Variants in NLGN1 observed in about 807,000 individuals in gnomAD.
NLGN1 encodes the protein neuroligin-1.
A neutral mutation model predicts 65.5 loss-of-function variants in NLGN1; 12 were observed. The ratio of observed to expected loss-of-function variants is 0.18; its 90% CI spans 0.12 to 0.30. The LOEUF (loss-of-function observed/expected upper bound fraction) is 0.30, where lower values mean the gene tolerates loss of function less well. Ranked by LOEUF, NLGN1 falls within the 10% of genes least tolerant of loss-of-function variation. The pLI, the probability that NLGN1 is intolerant of heterozygous loss-of-function variation, is 1.00. For synonymous variants in NLGN1, 350 were observed against 359.5 expected (o/e 0.97, Z 0.30); for missense variants, 750 against 1,007.1 (o/e 0.74, Z 3.46).
At chr3:173,812,807 A>G (rs952850321) in intron 4 of NLGN1, among the ~76,000 whole-genome samples, 1 of 147,532 alleles carries the variant, frequency 6.8e-6, no homozygotes, top group Non-Finnish European at 1.5e-5. Context: ...TTATATATAT[A>G]TATATAAAAC....
At chr3:174,117,991 C>T (rs1490164035) in intron 4 of NLGN1, among the ~76,000 whole-genome samples, 2 of 151,338 alleles carry the variant, frequency 1.3e-5, no homozygotes, top group African/African-American at 2.4e-5. Flanking sequence ...ATGTGCTCAC[C>T]AGGAGTTTGT....
intron 2 of NLGN1, among the ~76,000 whole-genome samples, chr3:173,470,650 G>A (rs1464747737): frequency 6.6e-6 from 1 of 152,060 alleles, no homozygotes. Context: ...AGAATTAAAT[G>A]AGAGAACATT....
intron 4 of NLGN1, among the ~76,000 whole-genome samples, chr3:173,984,903 G>A (rs1418167323): frequency 6.6e-6 from 1 of 152,162 alleles, no homozygotes; most frequent in Non-Finnish European, 1.5e-5. Flanking sequence ...CTAGCCAGGT[G>A]TGGTGGCGTG....
At chr3:173,767,468 A>G (rs886817912) in intron 3 of NLGN1, among the ~76,000 whole-genome samples, 1 of 152,064 alleles carries the variant, frequency 6.6e-6, no homozygotes, top group Non-Finnish European at 1.5e-5. Flanking sequence ...TAAGGGGAAT[A>G]GGCATTTTCA....
At chr3:173,789,852 T>C (rs78247105) in intron 3 of NLGN1, 2 of 513,556 alleles carry the variant, frequency 3.9e-6, no homozygotes, top group Non-Finnish European at 7.8e-6. Context: ...TCTATATTTT[T>C]CCCAACTGCC....
intron 4 of NLGN1, among the ~76,000 whole-genome samples, chr3:173,969,017 C>T (rs1715563350): frequency 6.6e-6 from 1 of 151,672 alleles, no homozygotes; most frequent in African/African-American, 2.4e-5. Flanking sequence ...CCATCTTTAA[C>T]ATTACCAGAT....
At chr3:174,073,792 A>G (rs941444718) in intron 4 of NLGN1, among the ~76,000 whole-genome samples, 1 of 152,202 alleles carries the variant, frequency 6.6e-6, no homozygotes, top group Non-Finnish European at 1.5e-5. Context: ...CAATACCCAT[A>G]TCCATCACTT....
chr3:173,806,920 G>A (rs749365349), intron 3 of NLGN1, among the ~76,000 whole-genome samples: 32 of 152,094 alleles, frequency 2.1e-4, no homozygotes, highest in Admixed American at 7.2e-4. Flanking sequence ...GAGCCAAAGC[G>A]TGAAGAAGAA....
chr3:173,545,060 G>GTTTT (rs1224126368), intron 2 of NLGN1, among the ~76,000 whole-genome samples: 15 of 123,158 alleles, frequency 1.2e-4, no homozygotes, highest in African/African-American at 5.0e-4. Flanking sequence ...GTGTGTGGTT[G>GTTTT]TTTTTTTTGT....
chr3:174,003,872 T>C (rs1467634889), intron 4 of NLGN1, among the ~76,000 whole-genome samples: 1 of 152,158 alleles, frequency 6.6e-6, no homozygotes, highest in Non-Finnish European at 1.5e-5. Flanking sequence ...TACTGTAGTC[T>C]ATAATCAAAG....
chr3:173,837,662 T>C (rs1188398153), intron 4 of NLGN1, among the ~76,000 whole-genome samples: 6 of 152,218 alleles, frequency 3.9e-5, no homozygotes, highest in African/African-American at 1.4e-4. Context: ...TGGCCTACAT[T>C]TGTATACATA....
At chr3:174,046,772 G>A (rs1316455930) in intron 4 of NLGN1, among the ~76,000 whole-genome samples, 1 of 152,048 alleles carries the variant, frequency 6.6e-6, no homozygotes, top group Non-Finnish European at 1.5e-5. Context: ...GTATATTTGT[G>A]AAGTATGAAG....
intron 4 of NLGN1, among the ~76,000 whole-genome samples, chr3:174,229,200 A>G (rs1181148846): frequency 6.6e-6 from 1 of 152,116 alleles, no homozygotes; most frequent in Non-Finnish European, 1.5e-5. Flanking sequence ...AAGGACTTAT[A>G]ACAAGATCAA....
intron 4 of NLGN1, among the ~76,000 whole-genome samples, chr3:173,817,769 T>C (rs1472236005): frequency 3.9e-5 from 6 of 152,196 alleles, no homozygotes; most frequent in Non-Finnish European, 8.8e-5. Context: ...TTCTATGGTA[T>C]TAATATGGCT....
intron 4 of NLGN1, among the ~76,000 whole-genome samples, chr3:173,899,251 A>G (rs1185390584): frequency 6.6e-6 from 1 of 152,126 alleles, no homozygotes; most frequent in Non-Finnish European, 1.5e-5. Context: ...TAGATAGCAT[A>G]AATTTGTTGA....
intron 4 of NLGN1, among the ~76,000 whole-genome samples, chr3:174,175,644 C>T (rs1729309344): frequency 6.6e-6 from 1 of 151,908 alleles, no homozygotes; most frequent in South Asian, 2.1e-4. Flanking sequence ...TTGATTCCAT[C>T]TCACACACAC....
intron 2 of NLGN1, among the ~76,000 whole-genome samples, chr3:173,500,535 A>G (rs1730899085): frequency 1.3e-5 from 2 of 152,036 alleles, no homozygotes; most frequent in Admixed American, 6.6e-5. Flanking sequence ...TGTCTGTGCC[A>G]GGCTTTGGTA....
At chr3:173,898,689 GTAAAACTGTCACTAT>G (rs1318342683) in intron 4 of NLGN1, among the ~76,000 whole-genome samples, 2 of 152,186 alleles carry the variant, frequency 1.3e-5, no homozygotes, top group Admixed American at 1.3e-4. Context: ...CATTTCTGTA[GTAAAACTGTCACTAT>G]TAACTGTGAA....
chr3:174,102,526 T>C (rs1712777052), intron 4 of NLGN1, among the ~76,000 whole-genome samples: 2 of 152,072 alleles, frequency 1.3e-5, no homozygotes, highest in African/African-American at 4.8e-5. Context: ...TCTTTCCAAG[T>C]GTAATTGTTA....
Sources: gnomAD v4.1 joint callset for allele counts (sites outside exome capture counted in the v4.1 genomes callset) on GRCh38, gnomAD v4.1.1 for gene constraint, MANE v1.5 for transcripts, NCBI Gene and HGNC (gene_info 2026-07-23, HGNC 2026-07-21) for gene names.